Variants in SLC39A14 observed in about 807,000 individuals in gnomAD.
SLC39A14 encodes metal cation symporter ZIP14.
In SLC39A14, 19 loss-of-function variants were observed where a neutral mutation model predicts 45.5. The observed-to-expected ratio is 0.42, with a 90% confidence interval of 0.29 to 0.61. The LOEUF is 0.61. Ranked by LOEUF, SLC39A14 falls within the 20% of genes least tolerant of loss-of-function variation. The pLI, the probability that SLC39A14 is intolerant of heterozygous loss-of-function variation, is 0.22. For synonymous variants in SLC39A14, 264 were observed against 251.3 expected (o/e 1.05, Z -0.48); for missense variants, 447 against 616.5 (o/e 0.73, Z 2.91).
At chr8:22,411,328 G>T (rs142749557) in intron 3 of SLC39A14, among the ~76,000 whole-genome samples, 3 of 152,160 alleles carry the variant, frequency 2.0e-5, no homozygotes, top group African/African-American at 7.2e-5. Context: ...TTGTGACAGG[G>T]TGTTCCTGGA....
intron 1 of SLC39A14, chr8:22,398,797 G>A (rs7833302): frequency 0.14 from 133,957 of 977,052 alleles, 9,245 homozygotes; most frequent in East Asian, 0.17. Flanking sequence ...GAAGGGTGAC[G>A]GTAGGTGGAA....
downstream of SLC39A14, among the ~76,000 whole-genome samples, chr8:22,426,171 C>T (rs940987133): frequency 6.6e-5 from 10 of 152,098 alleles, no homozygotes; most frequent in African/African-American, 1.2e-4. Context: ...GGATTACAGG[C>T]GTGAGCCACC....
chr8:22,403,045 T>C (rs981196413), intron 1 of SLC39A14, among the ~76,000 whole-genome samples: 4 of 152,080 alleles, frequency 2.6e-5, no homozygotes, highest in Non-Finnish European at 4.4e-5. Flanking sequence ...GGCACAATCT[T>C]GGCTCACCAC....
intron 8 of SLC39A14, among the ~76,000 whole-genome samples, chr8:22,432,175 GAA>G (rs1836476480): frequency 6.6e-6 from 1 of 151,866 alleles, no homozygotes; most frequent in South Asian, 2.1e-4. Context: ...TCTAAAAAAA[GAA>G]AAAAATAGCT....
chr8:22,427,779 C>T (rs1343516908), intron 8 of SLC39A14, among the ~76,000 whole-genome samples: 2 of 152,176 alleles, frequency 1.3e-5, no homozygotes, highest in East Asian at 3.9e-4. Flanking sequence ...ATGGAATTTA[C>T]ATTTTTCTTT....
Position 22,420,133 on chromosome 8 carries a change from G to T in SLC39A14, c.*435G>T. ...GTGTGGGGCCCATGACTCTAGCTGG[G>T]CACCTTGGACCTCCAGCTGGCCAAT... On this transcript the variant is annotated 3_prime_UTR_variant, in exon 9 of 9. Coordinates refer to ENST00000381237, the MANE Select transcript of SLC39A14 (RefSeq NM_001128431.4). The T allele has an allele frequency of 1.0e-6, 1 of 986,802 alleles. No homozygotes were observed. The highest frequency in any genetic ancestry group is 1.7e-5 in the African/African-American group (1 of 57,418). 61.1% of individuals were successfully genotyped at this position (986,802 alleles called of 1,614,324 possible).
downstream of SLC39A14, among the ~76,000 whole-genome samples, chr8:22,426,705 A>G (rs1016732124): frequency 6.6e-6 from 1 of 151,568 alleles, no homozygotes; most frequent in Admixed American, 6.6e-5. Flanking sequence ...TTTTTTTGAG[A>G]TGGAGTCTCA....
At chr8:22,430,459 AG>A (rs780058716) in intron 8 of SLC39A14, among the ~76,000 whole-genome samples, 22 of 152,122 alleles carry the variant, frequency 1.4e-4, no homozygotes, top group Non-Finnish European at 2.9e-4. Context: ...CGGTAGGGGG[AG>A]GAAGTTGACA....
intron 3 of SLC39A14, among the ~76,000 whole-genome samples, chr8:22,410,370 C>G (rs960749639): frequency 1.3e-5 from 2 of 152,162 alleles, no homozygotes; most frequent in Non-Finnish European, 2.9e-5. Flanking sequence ...TGACAGTCTC[C>G]CCTCCCTTGT....
intron 2 of SLC39A14, among the ~76,000 whole-genome samples, chr8:22,406,707 A>G (rs1835236074): frequency 6.6e-6 from 1 of 152,188 alleles, no homozygotes; most frequent in African/African-American, 2.4e-5. Context: ...TAAAAATTAA[A>G]AAAAGGGACG....
downstream of SLC39A14, chr8:22,422,889 T>G (rs1488837094): frequency 5.4e-6 from 1 of 186,378 alleles, no homozygotes; most frequent in Non-Finnish European, 1.0e-5. Flanking sequence ...AGTGGTGCGA[T>G]CTCGGCTCAC....
At chr8:22,417,352 T>C (rs1212837762) in intron 7 of SLC39A14, among the ~76,000 whole-genome samples, 1 of 152,190 alleles carries the variant, frequency 6.6e-6, no homozygotes, top group Non-Finnish European at 1.5e-5. Flanking sequence ...GTTTGGCAAA[T>C]GGAGACGGGT....
Position 22,421,264 on chromosome 8 carries a change from G to A in SLC39A14, c.*1566G>A, listed in dbSNP as rs1836212059. 1.0e-6 allele frequency: 1 copy of A among 985,684 alleles called. No homozygotes were observed. The highest frequency in any genetic ancestry group is 1.7e-5 in the African/African-American group (1 of 57,228). 61.1% of individuals were successfully genotyped at this position (985,684 alleles called of 1,614,324 possible). On this transcript the variant is annotated 3_prime_UTR_variant, in exon 9 of 9. Transcript: ENST00000381237. ...AGCTTTTCTCTTACATAGAAAAACT[G>A]TCCGCTCTCAGTAATCACAAGCAGC...
intron 1 of SLC39A14, among the ~76,000 whole-genome samples, chr8:22,383,914 T>C (rs1238391299): frequency 6.6e-6 from 1 of 152,096 alleles, no homozygotes; most frequent in Non-Finnish European, 1.5e-5. Context: ...CCATCTCCCT[T>C]CCCAGAAAGA....
At chr8:22,369,811 A>G (rs1832833966) in intron 1 of SLC39A14, among the ~76,000 whole-genome samples, 1 of 152,028 alleles carries the variant, frequency 6.6e-6, no homozygotes, top group South Asian at 2.1e-4. Context: ...TCTCATCGTC[A>G]TAATTTTTGT....
intron 7 of SLC39A14, 125 bp downstream of exon 7, chr8:22,416,405 C>A: frequency 1.3e-6 from 1 of 778,628 alleles, no homozygotes; most frequent in Non-Finnish European, 2.1e-6. Context: ...ATTTAACACA[C>A]TCCTAAAGCT....
intron 2 of SLC39A14, among the ~76,000 whole-genome samples, chr8:22,407,318 C>T (rs1438304952): frequency 3.9e-5 from 6 of 152,142 alleles, no homozygotes; most frequent in African/African-American, 1.4e-4. Context: ...AGATTTGGTA[C>T]GAAGCTTGTA....
intron 8 of SLC39A14, among the ~76,000 whole-genome samples, chr8:22,429,226 C>G (rs1836432897): frequency 6.6e-6 from 1 of 152,108 alleles, no homozygotes; most frequent in Admixed American, 6.6e-5. Context: ...GAGCCAAGAT[C>G]TCACCACTGC....
In SLC39A14 at chr8:22,421,912, G is replaced by C; in HGVS notation, c.*2214G>C. ...TTACCTTAAGAAATTTCCTTCCATA[G>C]ACAGCTGCCTCAAAGGGAAATCCTC... On this transcript the variant is annotated 3_prime_UTR_variant, in exon 9 of 9. Coordinates refer to ENST00000381237, the MANE Select transcript of SLC39A14 (RefSeq NM_001128431.4). 5.1e-6 allele frequency: 5 copies of C among 985,348 alleles called. No homozygotes were observed. Among genetic ancestry groups the C allele is most frequent in the Non-Finnish European group, 6.0e-6 (5 of 829,924 alleles). The allele number at this position is 985,348 out of a possible 1,614,324, so 61.0% of individuals were successfully genotyped here. A position where few individuals can be genotyped will look rare whatever the true frequency, so the allele number is the denominator to read the frequency against.
Sources: allele counts gnomAD v4.1 joint callset (sites outside exome capture counted in the v4.1 genomes callset), GRCh38; gene constraint gnomAD v4.1.1; transcripts MANE v1.5; gene names NCBI Gene and HGNC (gene_info 2026-07-23, HGNC 2026-07-21).